MRC1: variants seen among roughly 807,000 people sequenced by gnomAD.
MRC1 encodes macrophage mannose receptor 1.
A neutral mutation model predicts 102.9 loss-of-function variants in MRC1; 62 were observed. That is an observed-to-expected ratio of 0.60 (90% CI 0.49 to 0.74). The LOEUF (loss-of-function observed/expected upper bound fraction) is 0.74, where lower values mean the gene tolerates loss of function less well. Ranked by LOEUF, MRC1 falls within the 30% of genes least tolerant of loss-of-function variation. The pLI is 0.00. For synonymous variants in MRC1, 457 were observed against 298.4 expected (o/e 1.53, Z -5.48); for missense variants, 1,237 against 862.8 (o/e 1.43, Z -5.43).
chr10:17,875,954 C>T (rs1203344107), intron 17 of MRC1, among the ~76,000 whole-genome samples: 1 of 152,198 alleles, frequency 6.6e-6, no homozygotes, highest in Admixed American at 6.5e-5. Flanking sequence ...TAATTACAGC[C>T]ATTCTTGCAG....
chr10:17,840,567 T>C, intron 4 of MRC1, 126 bp from the exon 5 acceptor site: 1 of 704,412 alleles, frequency 1.4e-6, no homozygotes, highest in Non-Finnish European at 2.6e-6. Context: ...GGAGACATGG[T>C]AGGCATGATT....
At chr10:17,818,691 C>T (rs1297676321) in intron 1 of MRC1, among the ~76,000 whole-genome samples, 1 of 152,078 alleles carries the variant, frequency 6.6e-6, no homozygotes, top group Non-Finnish European at 1.5e-5. Flanking sequence ...CACCTGTAAT[C>T]CCAGAGCTGA....
At chr10:17,856,752 G>C (rs2130653667) in intron 9 of MRC1, among the ~76,000 whole-genome samples, 1 of 152,190 alleles carries the variant, frequency 6.6e-6, no homozygotes, top group South Asian at 2.1e-4. Context: ...ATTTGCAGTA[G>C]ATACCCCCAA....
At chr10:17,887,191 C>T (rs1833609581) in intron 22 of MRC1, among the ~76,000 whole-genome samples, 1 of 152,034 alleles carries the variant, frequency 6.6e-6, no homozygotes, top group African/African-American at 2.4e-5. Context: ...AGATCGAGAC[C>T]ATCCTGGCTA....
chr10:17,865,885 T>TA (rs1458971927), intron 11 of MRC1, among the ~76,000 whole-genome samples: 1 of 152,156 alleles, frequency 6.6e-6, no homozygotes, highest in Non-Finnish European at 1.5e-5. Context: ...AGTCTAATAA[T>TA]AAAAAAATTA....
chr10:17,813,582 A>G (rs1038245515), intron 1 of MRC1, among the ~76,000 whole-genome samples: 1 of 150,776 alleles, frequency 6.6e-6, no homozygotes, highest in Non-Finnish European at 1.5e-5. Flanking sequence ...CAGTGTTTGT[A>G]TCTAGAAGGC....
chr10:17,867,777 A>T (rs1589185970), intron 12 of MRC1, among the ~76,000 whole-genome samples: 1 of 152,004 alleles, frequency 6.6e-6, no homozygotes, highest in African/African-American at 2.4e-5. Flanking sequence ...ATTCCAATTC[A>T]TTTTTTTCCC....
intron 28 of MRC1, among the ~76,000 whole-genome samples, chr10:17,908,065 G>C (rs1833919773): frequency 1.3e-5 from 2 of 152,160 alleles, no homozygotes; most frequent in Non-Finnish European, 2.9e-5. Flanking sequence ...TTCTGGAGAG[G>C]GATCAGAATT....
chr10:17,825,636 A>C (rs1397539793), intron 2 of MRC1, among the ~76,000 whole-genome samples: 2 of 152,184 alleles, frequency 1.3e-5, no homozygotes, highest in Non-Finnish European at 2.9e-5. Flanking sequence ...CAGGAGGCTG[A>C]GGTGGGAGCA....
chr10:17,906,298 CTTTT>C (rs1184231740), intron 26 of MRC1, among the ~76,000 whole-genome samples: 7 of 136,270 alleles, frequency 5.1e-5, no homozygotes, highest in East Asian at 4.3e-4. Flanking sequence ...TAACCCATGT[CTTTT>C]TTTTTTTTTT....
intron 4 of MRC1, among the ~76,000 whole-genome samples, chr10:17,840,191 AT>A (rs1838730537): frequency 6.6e-6 from 1 of 152,016 alleles, no homozygotes; most frequent in Non-Finnish European, 1.5e-5. Flanking sequence ...GAAACATTGT[AT>A]TTTTGATTTC....
intron 21 of MRC1, among the ~76,000 whole-genome samples, chr10:17,884,845 G>C (rs968161139): frequency 3.9e-5 from 6 of 152,144 alleles, no homozygotes; most frequent in Non-Finnish European, 5.9e-5. Context: ...AGAACTGTCT[G>C]GGTTAAGAGT....
chr10:17,877,978 C>G lies in MRC1; in HGVS notation c.2618+11C>G. 2.3e-6 allele frequency: 2 copies of G among 872,062 alleles called. No homozygotes were observed. Among genetic ancestry groups the G allele is most frequent in the Non-Finnish European group, 4.0e-6 (2 of 501,180 alleles). 54.0% of individuals were successfully genotyped at this position (872,062 alleles called of 1,614,324 possible). On this transcript the variant is annotated intron_variant, in intron 18 of 29. Coordinates refer to ENST00000569591, the MANE Select transcript of MRC1 (RefSeq NM_002438.4). ...GGATAAAAAGTTTGCGTAAGTAAAT[C>G]AAGCTAAAAACAACTTTGCTTGGGT... is the stretch of plus-strand genomic sequence containing the variant.
At chr10:17,867,379 T>TCTTCTTCTTCTC (rs1554841596) in intron 12 of MRC1, among the ~76,000 whole-genome samples, 3 of 142,342 alleles carry the variant, frequency 2.1e-5, no homozygotes, top group Non-Finnish European at 3.0e-5. Context: ...TTCTTCTTCT[T>TCTTCTTCTTCTC]CTTCTTCTCC....
intron 1 of MRC1, among the ~76,000 whole-genome samples, chr10:17,810,850 T>C (rs935275895): frequency 8.9e-4 from 136 of 152,356 alleles, no homozygotes; most frequent in African/African-American, 3.1e-3. Context: ...TGCAGTGCAG[T>C]GGCATGATCT....
At chr10:17,831,116 G>A (rs1029313782) in intron 3 of MRC1, among the ~76,000 whole-genome samples, 120 of 148,542 alleles carry the variant, frequency 8.1e-4, no homozygotes, top group Admixed American at 1.8e-3. Context: ...CAGGCTGATC[G>A]CGAACTCCTA....
intron 4 of MRC1, among the ~76,000 whole-genome samples, chr10:17,838,672 G>A (rs1838706139): frequency 6.6e-6 from 1 of 152,048 alleles, no homozygotes; most frequent in African/African-American, 2.4e-5. Context: ...ATGCAGAAAA[G>A]TTACGCCTTG....
chr10:17,823,254 C>T lies in MRC1; in HGVS notation c.242C>T (p.Thr81Met), dbSNP rs150078351. ...TTATGCCTGGGAGTGCCATCAAAAA[C>T]GGACTGGGTTGCTATCACTCTCTAT... ...FKLCLGVPSK[T>M]DWVAITLYAC... Residue 81 changes from threonine (T) to methionine (M), a missense_variant, in exon 2 of 30, where the codon ACG becomes ATG. Coordinates refer to ENST00000569591, the MANE Select transcript of MRC1 (RefSeq NM_002438.4). 7 of 780,404 alleles carry T rather than the reference C, an allele frequency of 9.0e-6. No homozygotes were observed. Among genetic ancestry groups the T allele is most frequent in the African/African-American group, 6.8e-5 (4 of 59,104 alleles). 48.3% of individuals were successfully genotyped at this position (780,404 alleles called of 1,614,324 possible).
intron 1 of MRC1, among the ~76,000 whole-genome samples, chr10:17,818,062 A>G (rs1838339017): frequency 6.6e-6 from 1 of 152,214 alleles, no homozygotes; most frequent in Non-Finnish European, 1.5e-5. Flanking sequence ...ATGGCAAAAG[A>G]TAAATAAAGG....
Sources: allele counts gnomAD v4.1 joint callset (sites outside exome capture counted in the v4.1 genomes callset), GRCh38; gene constraint gnomAD v4.1.1; transcripts MANE v1.5; gene names NCBI Gene and HGNC (gene_info 2026-07-23, HGNC 2026-07-21).